Variants in PROSER2 observed in about 807,000 individuals in gnomAD.
PROSER2 encodes the protein proline and serine-rich protein 2.
PROSER2 carries 18 observed loss-of-function variants against 14.6 expected under a neutral mutation model. The observed-to-expected ratio is 1.23, with a 90% CI of 0.85 to 1.83. PROSER2 has a LOEUF of 1.83. PROSER2 is among the 40% of genes most tolerant of loss of function. The probability of loss-of-function intolerance (pLI) is 0.00; values close to 1 mark genes in which losing one functional copy is unlikely to be tolerated. For synonymous variants in PROSER2, 367 were observed against 286.4 expected (o/e 1.28, Z -2.84); for missense variants, 823 against 629.8 (o/e 1.31, Z -3.28).
At chr10:11,845,252 T>G (rs1009772234) in intron 1 of PROSER2, among the ~76,000 whole-genome samples, 1 of 152,196 alleles carries the variant, frequency 6.6e-6, no homozygotes, top group African/African-American at 2.4e-5. Context: ...GGTTGCCCCC[T>G]GAGGGGTTAT....
chr10:11,854,847 T>G (rs1335420705), intron 2 of PROSER2, among the ~76,000 whole-genome samples: 1 of 152,156 alleles, frequency 6.6e-6, no homozygotes, highest in African/African-American at 2.4e-5. Context: ...ATACTCCACT[T>G]TTTTGGAAGT....
At chr10:11,828,659 C>T (rs1256662232) in intron 1 of PROSER2, among the ~76,000 whole-genome samples, 4 of 152,116 alleles carry the variant, frequency 2.6e-5, no homozygotes, top group South Asian at 2.1e-4. Flanking sequence ...GCCGAGATCA[C>T]GCCACTACAC....
Position 11,870,230 on chromosome 10 carries a change from CG to C in PROSER2, c.1135del (p.Ala379ProfsTer72). Reference protein sequence around the residue: ...FRPGPALPSTRARQSFPGPRQ... With the variant: ...FRPGPALPSTXARQSFPGPRQ... Reference sequence around the variant, plus strand: ...CCCTGGCCCGGCCCTGCCCAGCACGCGGGCCCGTCAGAGCTTCCCCGGGCCC... The same window carrying C: ...CCCTGGCCCGGCCCTGCCCAGCACGCGGCCCGTCAGAGCTTCCCCGGGCCC... On this transcript the variant is annotated frameshift_variant, in exon 4 of 4. Transcript: ENST00000277570. LOFTEE classifies it low-confidence loss of function (END_TRUNC). 6.7e-7 allele frequency: 1 copy of C among 1,489,592 alleles called. No homozygotes were observed. Among genetic ancestry groups the C allele is most frequent in the Non-Finnish European group, 8.9e-7 (1 of 1,127,380 alleles). 92.3% of individuals were successfully genotyped at this position (1,489,592 alleles called of 1,614,324 possible).
chr10:11,870,181 C>T lies in PROSER2; in HGVS notation c.1083C>T (p.Pro361=). 3 of 1,485,420 alleles carry T rather than the reference C, an allele frequency of 2.0e-6. No homozygotes were observed. The highest frequency in any genetic ancestry group is 2.7e-6 in the Non-Finnish European group (3 of 1,124,898). The allele number at this position is 1,485,420 out of a possible 1,614,324, so 92.0% of individuals were successfully genotyped here. ...AGAGCGCACCCAGCTCCTTCGCGCC[C>T]GCTGGGAAGTCCCTCTGCTTCCGCC... The part of the protein sequence containing the change: ...ALKSAPSSFA[P]AGKSLCFRPG... The change falls in exon 4 of 4, where the codon CCC becomes CCT. Residue 361 remains proline (P), a synonymous_variant. Transcript: ENST00000277570.
At chr10:11,831,528 C>T (rs935598731) in intron 1 of PROSER2, among the ~76,000 whole-genome samples, 5 of 152,146 alleles carry the variant, frequency 3.3e-5, no homozygotes, top group Non-Finnish European at 5.9e-5. Flanking sequence ...TCTTCACAAA[C>T]ATTTCTTTTT....
intron 2 of PROSER2, among the ~76,000 whole-genome samples, chr10:11,863,795 G>T (rs1834291150): frequency 6.6e-6 from 1 of 151,998 alleles, no homozygotes; most frequent in Non-Finnish European, 1.5e-5. Flanking sequence ...CTCTGTTATG[G>T]TGTCGGTGTG....
intron 2 of PROSER2, among the ~76,000 whole-genome samples, chr10:11,857,743 TAAAAA>T (rs374000135): frequency 1.6e-3 from 169 of 106,554 alleles, no homozygotes; most frequent in Non-Finnish European, 2.4e-3. Context: ...AGACCCCATC[TAAAAA>T]AAAAAAAAAA....
intron 2 of PROSER2, among the ~76,000 whole-genome samples, chr10:11,853,136 C>A (rs1003484807): frequency 6.6e-6 from 1 of 152,118 alleles, no homozygotes; most frequent in Non-Finnish European, 1.5e-5. Context: ...CCAGTGGGAA[C>A]GCCAGTTTCC....
At chr10:11,839,729 G>T (rs1163219334) in intron 1 of PROSER2, among the ~76,000 whole-genome samples, 1 of 150,894 alleles carries the variant, frequency 6.6e-6, no homozygotes, top group Non-Finnish European at 1.5e-5. Context: ...GGAGGCTGAG[G>T]CAGGAGAATC....
intron 2 of PROSER2, 138 bp downstream of exon 2, chr10:11,852,353 G>A: frequency 1.0e-6 from 1 of 961,178 alleles, no homozygotes; most frequent in South Asian, 1.9e-5. Context: ...TCTTTGTGAA[G>A]TGGTTCTTTA....
intron 2 of PROSER2, among the ~76,000 whole-genome samples, chr10:11,853,544 G>A (rs368745216): frequency 2.6e-5 from 4 of 152,106 alleles, no homozygotes; most frequent in East Asian, 1.9e-4. Flanking sequence ...CTGAAATCGC[G>A]CCACTGCACT....
intron 2 of PROSER2, among the ~76,000 whole-genome samples, chr10:11,861,836 G>T (rs983339670): frequency 6.6e-6 from 1 of 152,202 alleles, no homozygotes; most frequent in African/African-American, 2.4e-5. Flanking sequence ...GGAGAGAATG[G>T]TGGAAAGTTA....
At chr10:11,855,143 TTTTG>T (rs1834098997) in intron 2 of PROSER2, among the ~76,000 whole-genome samples, 1 of 149,850 alleles carries the variant, frequency 6.7e-6, no homozygotes, top group Non-Finnish European at 1.5e-5. Context: ...TATAGAGGTT[TTTTG>T]TTTTTTTTTT....
rs1234128175 is a variant in PROSER2, at chr10:11,838,287, C to T, written c.-81-13710C>T. On this transcript the variant is annotated intron_variant, in intron 1 of 3. Transcript: ENST00000277570. This position sits in a 1 kb window ranked among gnomAD's most constrained non-coding sequence, Gnocchi z 4.4. ...TTAAATGTACATGAATAGAATTGCA[C>T]TAAGAATCTAACTCTGACTTTTCAT... 6.6e-6 allele frequency among the ~76,000 whole-genome samples: 1 copy of T among 152,164 alleles called. No homozygotes were observed. Among genetic ancestry groups the T allele is most frequent in the East Asian group, 1.9e-4 (1 of 5,200 alleles).
Position 11,866,736 on chromosome 10 carries a change from C to G in PROSER2, c.344C>G (p.Pro115Arg). Residue 115 changes from proline (P) to arginine (R), a missense_variant, in exon 3 of 4, where the codon CCT becomes CGT. Physicochemically the swap from Pro to Arg is moderately radical, Grantham distance 103. Transcript: ENST00000277570. This position sits in a 1 kb window ranked among gnomAD's most constrained non-coding sequence, Gnocchi z 6.0. ...GTCATCGACTTAGTGCAGCCAGCAC[C>G]TGGCGCCGGGGAAGCCGAGGGCCTT... is the stretch of plus-strand genomic sequence containing the variant. ...EDVIDLVQPAPGAGEAEGLPE... is the reference protein window; with the variant it reads ...EDVIDLVQPARGAGEAEGLPE... The G allele has an allele frequency of 6.2e-7, 1 of 1,613,626 alleles. No individual in the cohort carries two copies. Among genetic ancestry groups the G allele is most frequent in the Non-Finnish European group, 8.5e-7 (1 of 1,179,958 alleles).
At chr10:11,839,416 A>C (rs193221231) in intron 1 of PROSER2, among the ~76,000 whole-genome samples, 1 of 152,348 alleles carries the variant, frequency 6.6e-6, no homozygotes, top group East Asian at 1.9e-4. Flanking sequence ...AAATTTTAAA[A>C]AAATACTTGC....
intron 1 of PROSER2, among the ~76,000 whole-genome samples, chr10:11,840,571 G>C (rs552067743): frequency 1.3e-5 from 2 of 152,158 alleles, no homozygotes; most frequent in South Asian, 4.2e-4. Flanking sequence ...TGACTGGCTT[G>C]TCATTTTTCC....
chr10:11,845,676 G>C (rs1209310840), intron 1 of PROSER2, among the ~76,000 whole-genome samples: 1 of 152,008 alleles, frequency 6.6e-6, no homozygotes, highest in Non-Finnish European at 1.5e-5. Flanking sequence ...GTGGAACCCG[G>C]GGAGGGAGCT....
rs1834497443 is a variant in PROSER2, at chr10:11,871,960, T to C, written c.*1554T>C. ...TATGAATAATAACCTCATAGATTCC[T>C]GATCTTAATTTAAATAGGTGCTTTA... On this transcript the variant is annotated 3_prime_UTR_variant, in exon 4 of 4. Coordinates refer to ENST00000277570, the MANE Select transcript of PROSER2 (RefSeq NM_153256.4). 1 of 152,268 alleles carries C rather than the reference T, an allele frequency of 6.6e-6. No individual in the cohort carries two copies. Among genetic ancestry groups the C allele is most frequent in the Non-Finnish European group, 1.5e-5 (1 of 68,052 alleles). 9.4% of individuals were successfully genotyped at this position (152,268 alleles called of 1,614,324 possible).
Sources: allele counts gnomAD v4.1 joint callset (sites outside exome capture counted in the v4.1 genomes callset), GRCh38; gene constraint gnomAD v4.1.1; non-coding constraint Gnocchi (gnomAD v3.1); transcripts MANE v1.5; gene names NCBI Gene and HGNC (gene_info 2026-07-23, HGNC 2026-07-21).